OTUD7A: variants seen among roughly 807,000 people sequenced by gnomAD.
OTUD7A encodes OTU deubiquitinase 7A.
OTUD7A carries 12 observed loss-of-function variants against 65.7 expected under a neutral mutation model. The ratio of observed to expected loss-of-function variants is 0.18; its 90% confidence interval spans 0.12 to 0.30. The LOEUF (loss-of-function observed/expected upper bound fraction) is 0.30, where lower values mean the gene tolerates loss of function less well. Among genes scored for constraint, OTUD7A ranks in the 10% least tolerant of loss-of-function variants. OTUD7A has a pLI of 1.00. For synonymous variants in OTUD7A, 641 were observed against 586.3 expected, an observed-to-expected ratio of 1.09 and a Z score of -1.35; for missense variants, 1,148 against 1,304.8, an observed-to-expected ratio of 0.88 and a Z score of 1.85.
At chr15:31,814,537 T>TG (rs1453787355) in intron 1 of OTUD7A, among the ~76,000 whole-genome samples, 1 of 152,044 alleles carries the variant, frequency 6.6e-6, no homozygotes, top group Admixed American at 6.5e-5. Context: ...CTTTTTTTTT[T>TG]TTTTGAGACA....
intron 1 of OTUD7A, among the ~76,000 whole-genome samples, chr15:31,788,432 T>C (rs1252565729): frequency 6.6e-6 from 1 of 152,168 alleles, no homozygotes; most frequent in Non-Finnish European, 1.5e-5. Context: ...CTTTCCTCCT[T>C]CTCATCTCTT....
chr15:31,791,457 T>C (rs955704261), intron 1 of OTUD7A, among the ~76,000 whole-genome samples: 5 of 152,206 alleles, frequency 3.3e-5, no homozygotes, highest in Admixed American at 6.5e-5. Flanking sequence ...ATTTTGGTTC[T>C]CTTGCTGTGT....
chr15:31,810,210 A>T (rs1467234520), intron 1 of OTUD7A, among the ~76,000 whole-genome samples: 2 of 152,200 alleles, frequency 1.3e-5, no homozygotes, highest in East Asian at 3.8e-4. Flanking sequence ...CTTACAGAGA[A>T]GGTGCAGGTG....
intron 1 of OTUD7A, among the ~76,000 whole-genome samples, chr15:31,733,721 G>A (rs184725557): frequency 2.0e-5 from 3 of 152,320 alleles, no homozygotes; most frequent in East Asian, 3.9e-4. Context: ...TCACCATGGG[G>A]TCAGCTATAG....
intron 4 of OTUD7A, among the ~76,000 whole-genome samples, chr15:31,567,754 A>G (rs1888921435): frequency 6.6e-6 from 1 of 152,238 alleles, no homozygotes; most frequent in Non-Finnish European, 1.5e-5. Flanking sequence ...TACCTTGTGT[A>G]GCCTTGGGAC....
chr15:31,553,375 G>C (rs1246392483), intron 5 of OTUD7A, among the ~76,000 whole-genome samples: 2 of 152,058 alleles, frequency 1.3e-5, no homozygotes, highest in Non-Finnish European at 2.9e-5. Context: ...CCACTGCATG[G>C]AGCCAGGTTG....
chr15:31,802,133 GTGTGTGTGTA>G (rs1896146222), intron 1 of OTUD7A, among the ~76,000 whole-genome samples: 1 of 117,220 alleles, frequency 8.5e-6, no homozygotes, highest in African/African-American at 3.1e-5. Flanking sequence ...GTGTGTGTGT[GTGTGTGTGTA>G]TATATATATA....
intron 1 of OTUD7A, among the ~76,000 whole-genome samples, chr15:31,712,102 A>T (rs878227): frequency 0.74 from 111,889 of 151,486 alleles, 41,450 homozygotes; most frequent in South Asian, 0.81. Context: ...GAGGGTCAGT[A>T]GTTAACTGCT....
chr15:31,739,862 C>T (rs1373246336), intron 1 of OTUD7A, among the ~76,000 whole-genome samples: 8 of 152,338 alleles, frequency 5.3e-5, no homozygotes, highest in South Asian at 2.1e-4. Context: ...TGAACCACTG[C>T]GCCTGGCCTC....
At chr15:31,792,862 C>T (rs537937410) in intron 1 of OTUD7A, among the ~76,000 whole-genome samples, 1 of 152,296 alleles carries the variant, frequency 6.6e-6, no homozygotes, top group Admixed American at 6.5e-5. Flanking sequence ...TCTGTGCAGA[C>T]CCCAGGGTGG....
chr15:31,776,473 G>T (rs1429782888), intron 1 of OTUD7A, among the ~76,000 whole-genome samples: 1 of 152,132 alleles, frequency 6.6e-6, no homozygotes, highest in Non-Finnish European at 1.5e-5. Flanking sequence ...ACAGCACATG[G>T]CCCCTCCCGA....
At chr15:31,765,880 GA>G (rs1490744798) in intron 1 of OTUD7A, 1 of 1,279,218 alleles carries the variant, frequency 7.8e-7, no homozygotes, top group Non-Finnish European at 1.1e-6. Context: ...TATTCCTTCT[GA>G]AACTATTTTA....
chr15:31,739,459 G>T (rs1010922393), intron 1 of OTUD7A, among the ~76,000 whole-genome samples: 1 of 152,174 alleles, frequency 6.6e-6, no homozygotes, highest in African/African-American at 2.4e-5. Flanking sequence ...ATAACAGTTT[G>T]GCTAACTTTA....
chr15:31,672,812 C>T (rs867756626), intron 1 of OTUD7A, among the ~76,000 whole-genome samples: 1 of 152,356 alleles, frequency 6.6e-6, no homozygotes, highest in South Asian at 2.1e-4. Flanking sequence ...CCATAGTTTT[C>T]TCCCAGTATG....
chr15:31,647,359 G>T (rs1891707052), intron 3 of OTUD7A, among the ~76,000 whole-genome samples: 1 of 152,170 alleles, frequency 6.6e-6, no homozygotes, highest in Non-Finnish European at 1.5e-5. Flanking sequence ...CTCAAGACTG[G>T]GCAAATCCAG....
chr15:31,766,013 C>T lies in OTUD7A; in HGVS notation c.-100+104494G>A, dbSNP rs932358466. The T allele has an allele frequency of 3.9e-6, 6 of 1,555,190 alleles. No individual in the cohort carries two copies. In the African/African-American group the frequency reaches 6.8e-5, roughly 18 times the overall value. ...CATCAAACTCCTGAGCACTAATCTG[C>T]TTACCGTATGAGTAAGTTGGCAAAG... On this transcript the variant is annotated intron_variant, in intron 1 of 12. Coordinates refer to ENST00000307050, the MANE Select transcript of OTUD7A (RefSeq NM_001382637.1).
Position 31,484,254 on chromosome 15 carries a change from C to T in OTUD7A, c.1842G>A (p.Pro614=), listed in dbSNP as rs1241227024. ...GASPAEKGGG[P]RGDAWKYSTD... is the part of the protein sequence containing the mutation. ...TGCTGTACTTCCAGGCGTCGCCCCG[C>T]GGCCCACCGCCCTTCTCCGCCGGCG... The change falls in exon 13 of 13, where the codon CCG becomes CCA. Residue 614 remains proline (P), a synonymous_variant. Transcript: ENST00000307050. The surrounding 1 kb of genome is among the most constrained non-coding windows in gnomAD (Gnocchi z 4.5). The T allele has an allele frequency of 1.3e-6, 2 of 1,596,566 alleles. No homozygotes were observed. Among genetic ancestry groups the T allele is most frequent in the Non-Finnish European group, 1.7e-6 (2 of 1,174,266 alleles).
chr15:31,767,078 T>G (rs1197375822), intron 1 of OTUD7A: 1 of 1,581,988 alleles, frequency 6.3e-7, no homozygotes, highest in Non-Finnish European at 8.6e-7. Context: ...AATCCTGGAT[T>G]GCTTATCTGT....
At chr15:31,750,667 C>A (rs1037573343) in intron 1 of OTUD7A, among the ~76,000 whole-genome samples, 1 of 152,128 alleles carries the variant, frequency 6.6e-6, no homozygotes, top group Non-Finnish European at 1.5e-5. Context: ...ACACATAGAT[C>A]AATGGAACAA....
Sources: allele counts gnomAD v4.1 joint callset (sites outside exome capture counted in the v4.1 genomes callset), GRCh38; gene constraint gnomAD v4.1.1; non-coding constraint Gnocchi (gnomAD v3.1); transcripts MANE v1.5; gene names NCBI Gene and HGNC (gene_info 2026-07-23, HGNC 2026-07-21).